Variants in THSD7A observed in about 807,000 individuals in gnomAD.
The protein encoded by THSD7A is thrombospondin type 1 domain containing 7A.
THSD7A carries 96 observed loss-of-function variants against 231.3 expected under a neutral mutation model. That is an observed-to-expected ratio of 0.41 (90% CI 0.35 to 0.49). The LOEUF is 0.49. Ranked by LOEUF, THSD7A falls within the 20% of genes least tolerant of loss-of-function variation. The pLI is 0.05. For synonymous variants in THSD7A, 940 were observed against 743.3 expected, an observed-to-expected ratio of 1.26 and a Z score of -4.30; for missense variants, 2,290 against 2,070.2, an observed-to-expected ratio of 1.11 and a Z score of -2.06.
chr7:11,415,629 G>A (rs561516948), intron 17 of THSD7A, among the ~76,000 whole-genome samples: 5 of 151,924 alleles, frequency 3.3e-5, no homozygotes, highest in South Asian at 2.1e-4. Context: ...TGTAGATTAC[G>A]GGGTACTAAC....
rs143869767 is a variant in THSD7A, at chr7:11,830,540, G to A, written c.190+1217C>T. 1.8e-3 allele frequency among the ~76,000 whole-genome samples: 269 copies of A among 152,268 alleles called. 1 individual carries two copies. Among genetic ancestry groups the A allele is most frequent in the African/African-American group, 6.2e-3 (256 of 41,546 alleles). The stretch of plus-strand genomic sequence containing the variant: ...ACTGATCTTCAAACTTAAGGTGTTA[G>A]CAAGAATAATCTTGCTTTTTAAAAT... On this transcript the variant is annotated intron_variant, in intron 1 of 27. Coordinates refer to ENST00000423059, the MANE Select transcript of THSD7A (RefSeq NM_015204.3).
At chr7:11,425,816 A>G (rs1261300127) in intron 15 of THSD7A, among the ~76,000 whole-genome samples, 1 of 151,990 alleles carries the variant, frequency 6.6e-6, no homozygotes, top group East Asian at 1.9e-4. Flanking sequence ...GAGAGAAACT[A>G]TAGCTTTTTA....
At chr7:11,515,928 C>A (rs1013489253) in intron 6 of THSD7A, among the ~76,000 whole-genome samples, 3 of 152,036 alleles carry the variant, frequency 2.0e-5, no homozygotes, top group African/African-American at 7.2e-5. Flanking sequence ...AAAAGCCTGT[C>A]AAAATATTTC....
chr7:11,790,338 T>C (rs1335402095), intron 1 of THSD7A, among the ~76,000 whole-genome samples: 2 of 151,976 alleles, frequency 1.3e-5, no homozygotes, highest in Non-Finnish European at 1.5e-5. Context: ...GCAACATTTG[T>C]GCAAAATGAA....
intron 1 of THSD7A, among the ~76,000 whole-genome samples, chr7:11,760,177 AT>A (rs1347704285): frequency 6.6e-6 from 1 of 152,108 alleles, no homozygotes; most frequent in African/African-American, 2.4e-5. Flanking sequence ...AAGAATTGTA[AT>A]AAAATGAACT....
chr7:11,722,702 T>C (rs184706988), intron 1 of THSD7A, among the ~76,000 whole-genome samples: 19 of 152,120 alleles, frequency 1.2e-4, no homozygotes, highest in Admixed American at 1.1e-3. Context: ...AAGACATTTA[T>C]GCAGCCAAAA....
chr7:11,494,124 T>C (rs981168180), intron 6 of THSD7A, among the ~76,000 whole-genome samples: 2 of 152,032 alleles, frequency 1.3e-5, no homozygotes, highest in African/African-American at 4.8e-5. Flanking sequence ...AGATATTATA[T>C]ACAATTTTCT....
intron 2 of THSD7A, among the ~76,000 whole-genome samples, chr7:11,599,846 T>C (rs1190888197): frequency 1.3e-5 from 2 of 150,564 alleles, no homozygotes; most frequent in African/African-American, 2.4e-5. Flanking sequence ...GTCAATGGGC[T>C]GGGAAAGGCA....
chr7:11,509,070 T>C (rs1179003727), intron 6 of THSD7A, among the ~76,000 whole-genome samples: 1 of 152,132 alleles, frequency 6.6e-6, no homozygotes, highest in Non-Finnish European at 1.5e-5. Flanking sequence ...TGAGGGTATA[T>C]CTCATCATGT....
At chr7:11,472,768 C>G (rs1785989407) in intron 8 of THSD7A, among the ~76,000 whole-genome samples, 1 of 152,086 alleles carries the variant, frequency 6.6e-6, no homozygotes, top group Non-Finnish European at 1.5e-5. Flanking sequence ...AGGAAAATGT[C>G]AAAACAGCAA....
Position 11,711,122 on chromosome 7 carries a change from TG to T in THSD7A, c.191-74162del, listed in dbSNP as rs34340446. Among the ~76,000 whole-genome samples, 3 of 151,066 alleles carry T rather than the reference TG, an allele frequency of 2.0e-5. No individual in the cohort carries two copies. In the East Asian group the frequency reaches 5.9e-4, roughly 30 times the overall value. ...TTTTCCAAGGACCACTAAAAAGTAC[TG>T]GGAAAGTTGAAGTAATATAAATTAA... On this transcript the variant is annotated intron_variant, in intron 1 of 27. Coordinates refer to ENST00000423059, the MANE Select transcript of THSD7A (RefSeq NM_015204.3).
chr7:11,559,306 T>G (rs1789980134), intron 4 of THSD7A, among the ~76,000 whole-genome samples: 1 of 152,114 alleles, frequency 6.6e-6, no homozygotes, highest in Admixed American at 6.6e-5. Context: ...GTGAAGTTAG[T>G]GGAAATTTGT....
chr7:11,779,747 T>C (rs964045493), intron 1 of THSD7A, among the ~76,000 whole-genome samples: 11 of 152,234 alleles, frequency 7.2e-5, no homozygotes, highest in African/African-American at 2.7e-4. Flanking sequence ...ACTTCTAGTA[T>C]CTTTCCTTTT....
intron 15 of THSD7A, 27 bp from the exon 16 acceptor site, chr7:11,424,856 C>G (rs367824675): frequency 7.3e-5 from 118 of 1,613,142 alleles, no homozygotes; most frequent in Non-Finnish European, 9.6e-5. Context: ...TCTCAGCAAT[C>G]TCAGGGAATC....
chr7:11,710,787 T>C (rs7803370), intron 1 of THSD7A, among the ~76,000 whole-genome samples: 2,005 of 151,046 alleles, frequency 0.013, 41 homozygotes, highest in African/African-American at 0.044. Context: ...TCATGTACTT[T>C]AGATCAGCAG....
chr7:11,562,841 G>C (rs1409450450), intron 4 of THSD7A, among the ~76,000 whole-genome samples: 2 of 152,182 alleles, frequency 1.3e-5, no homozygotes, highest in Admixed American at 1.3e-4. Context: ...ATTGGCACTA[G>C]TGGTGCGTTT....
chr7:11,433,785 G>T (rs908146997), intron 13 of THSD7A, among the ~76,000 whole-genome samples: 1 of 151,934 alleles, frequency 6.6e-6, no homozygotes, highest in Non-Finnish European at 1.5e-5. Flanking sequence ...TATGGTTTTA[G>T]TAAGATTTAA....
chr7:11,742,256 C>T (rs932772622), intron 1 of THSD7A, among the ~76,000 whole-genome samples: 1 of 151,790 alleles, frequency 6.6e-6, no homozygotes, highest in African/African-American at 2.4e-5. Flanking sequence ...TTGATTGTGA[C>T]AATTAGGGTG....
chr7:11,718,597 T>C (rs1781226211), intron 1 of THSD7A, among the ~76,000 whole-genome samples: 2 of 151,700 alleles, frequency 1.3e-5, no homozygotes, highest in Non-Finnish European at 2.9e-5. Context: ...CTTTAAATCA[T>C]CAATCTCTGA....
Sources: gnomAD v4.1 joint callset for allele counts (sites outside exome capture counted in the v4.1 genomes callset) on GRCh38, gnomAD v4.1.1 for gene constraint, MANE v1.5 for transcripts, NCBI Gene and HGNC (gene_info 2026-07-23, HGNC 2026-07-21) for gene names.